Variants in ZFYVE27 observed in about 807,000 individuals in gnomAD.
The protein encoded by ZFYVE27 is protrudin.
Under a neutral mutation model 52.8 loss-of-function variants are expected in ZFYVE27, and 36 were observed. The ratio of observed to expected loss-of-function variants is 0.68; its 90% CI spans 0.52 to 0.90. The LOEUF is 0.90. Among genes scored for constraint, ZFYVE27 ranks in the 40% least tolerant of loss-of-function variants. ZFYVE27 has a pLI of 0.00. For missense variants in ZFYVE27, 450 were observed against 527.2 expected (o/e 0.85, Z 1.43); for synonymous variants, 223 against 215.6 (o/e 1.03, Z -0.30).
Position 97,737,269 on chromosome 10 carries a change from C to G in ZFYVE27, c.-54C>G, listed in dbSNP as rs1303018014. 3 of 152,338 alleles carry G rather than the reference C, an allele frequency of 2.0e-5. No individual in the cohort carries two copies. The East Asian group carries it at 5.8e-4, about 29-fold the overall frequency. The allele number at this position is 152,338 out of a possible 1,614,324, so 9.4% of individuals were successfully genotyped here. The stretch of plus-strand genomic sequence containing the variant: ...AGAAACGCTCCGGGGCCCAGTGGCT[C>G]TACCCCTGCTCCTGCCCGACCCTGC... On this transcript the variant is annotated 5_prime_UTR_variant, in exon 1 of 13. Coordinates refer to ENST00000684270, the MANE Select transcript of ZFYVE27 (RefSeq NM_001385875.1).
At position 97,757,246 on chromosome 10, in the gene ZFYVE27, T is replaced by C. The variant is rs770907522; in HGVS notation, c.1043-19T>C. ...GTCCTGGGATGGGCGGGGGTTGAGC[T>C]GCTGCCTCTGTTTCTCAGGGAACTG... On this transcript the variant is annotated intron_variant, in intron 10 of 12. Transcript: ENST00000684270. 106 of 1,614,158 alleles carry C rather than the reference T, an allele frequency of 6.6e-5. 1 individual carries two copies. The South Asian group carries it at 1.0e-3, about 16-fold the overall frequency.
chr10:97,759,167 T>C (rs975536642), intron 12 of ZFYVE27, 69 bp from the exon 13 acceptor site: 68 of 1,566,220 alleles, frequency 4.3e-5, no homozygotes, highest in Non-Finnish European at 6.0e-5. Context: ...GGGAGGGTGC[T>C]TCTAGTAGTT....
intron 4 of ZFYVE27, among the ~76,000 whole-genome samples, chr10:97,746,141 T>A (rs11189351): frequency 6.6e-6 from 1 of 150,962 alleles, no homozygotes; most frequent in Non-Finnish European, 1.5e-5. Flanking sequence ...CTCTGCCTCC[T>A]GTGTTCAGGC....
chr10:97,745,384 T>G (rs1224073744), intron 4 of ZFYVE27, among the ~76,000 whole-genome samples: 1 of 151,932 alleles, frequency 6.6e-6, no homozygotes. Context: ...TTTCACCATG[T>G]TTGTCACGAT....
At chr10:97,751,713 C>T (rs949655761) in intron 8 of ZFYVE27, among the ~76,000 whole-genome samples, 1 of 152,090 alleles carries the variant, frequency 6.6e-6, no homozygotes. Context: ...GGGAGCTGGA[C>T]GATTTCTGGC....
intron 3 of ZFYVE27, among the ~76,000 whole-genome samples, chr10:97,743,631 G>A (rs917469418): frequency 6.6e-6 from 1 of 152,218 alleles, no homozygotes; most frequent in African/African-American, 2.4e-5. Context: ...CATGAGTAAA[G>A]GTACTGGGAT....
intron 1 of ZFYVE27, 91 bp from the exon 2 acceptor site, chr10:97,738,386 G>C: frequency 1.4e-6 from 2 of 1,419,342 alleles, no homozygotes; most frequent in South Asian, 1.2e-5. Flanking sequence ...CTTGCTCACA[G>C]GTTTACTGTT....
At chr10:97,755,850 G>T (rs930774400) in intron 10 of ZFYVE27, among the ~76,000 whole-genome samples, 1 of 152,230 alleles carries the variant, frequency 6.6e-6, no homozygotes, top group East Asian at 1.9e-4. Context: ...TGCTGTCATG[G>T]CCTCGGTGGC....
chr10:97,741,033 A>G (rs1279060431), intron 2 of ZFYVE27, among the ~76,000 whole-genome samples: 1 of 152,184 alleles, frequency 6.6e-6, no homozygotes, highest in Non-Finnish European at 1.5e-5. Context: ...AGCTGCCACT[A>G]GAGGTTCTGA....
intron 6 of ZFYVE27, chr10:97,750,061 T>G (rs866316680): frequency 8.1e-6 from 4 of 496,058 alleles, no homozygotes; most frequent in South Asian, 6.1e-5. Flanking sequence ...CTGTATTTGT[T>G]TTCCTCCCTG....
At chr10:97,743,230 A>G (rs2044227175) in intron 3 of ZFYVE27, 66 bp downstream of exon 3, 2 of 1,558,000 alleles carry the variant, frequency 1.3e-6, no homozygotes, top group Non-Finnish European at 1.8e-6. Context: ...ACCTGGATGC[A>G]GCCCCACCCT....
chr10:97,739,796 A>T (rs1240711017), intron 2 of ZFYVE27, among the ~76,000 whole-genome samples: 1 of 151,828 alleles, frequency 6.6e-6, no homozygotes, highest in Admixed American at 6.6e-5. Flanking sequence ...TTCCTGGAGA[A>T]TTTACTACCG....
At chr10:97,742,755 A>G (rs1355587036) in intron 2 of ZFYVE27, among the ~76,000 whole-genome samples, 2 of 152,222 alleles carry the variant, frequency 1.3e-5, no homozygotes, top group East Asian at 3.8e-4. Flanking sequence ...AAATATTAAG[A>G]ACATTTGTCA....
chr10:97,751,328 T>C (rs754337387), intron 7 of ZFYVE27, 63 bp from the exon 8 acceptor site: 3 of 1,576,738 alleles, frequency 1.9e-6, no homozygotes, highest in Non-Finnish European at 2.6e-6. Flanking sequence ...GGGGAGGTGG[T>C]CCTCTGCCTT....
chr10:97,739,699 C>G (rs920209174), intron 2 of ZFYVE27, among the ~76,000 whole-genome samples: 1 of 152,044 alleles, frequency 6.6e-6, no homozygotes, highest in South Asian at 2.1e-4. Flanking sequence ...ATTGTTTGTA[C>G]TTATTATGTC....
chr10:97,746,047 A>AT lies in ZFYVE27; in HGVS notation c.455+1133dup, dbSNP rs1332320267. On this transcript the variant is annotated intron_variant, in intron 4 of 12. Transcript: ENST00000684270. ...TATACACATATATATATATATATATATATATTTTTTTTTTTTTTTGAGACA... is the reference window on the plus strand; with the variant it reads ...TATACACATATATATATATATATATATTATATTTTTTTTTTTTTTTGAGACA... Among the ~76,000 whole-genome samples, 146 of 66,522 alleles carry AT rather than the reference A, an allele frequency of 2.2e-3. 1 individual carries two copies. The highest frequency in any genetic ancestry group is 6.6e-3 in the African/African-American group (134 of 20,330). The allele number at this position is 66,522 out of a possible 152,430, so 43.6% of individuals were successfully genotyped here.
At chr10:97,744,483 C>T (rs572910701) in intron 3 of ZFYVE27, among the ~76,000 whole-genome samples, 1 of 152,372 alleles carries the variant, frequency 6.6e-6, no homozygotes, top group East Asian at 1.9e-4. Context: ...CCCTCAAGAG[C>T]TTACTTCATT....
At chr10:97,754,128 T>G (rs1016559750) in intron 10 of ZFYVE27, among the ~76,000 whole-genome samples, 1 of 151,986 alleles carries the variant, frequency 6.6e-6, no homozygotes, top group Non-Finnish European at 1.5e-5. Flanking sequence ...TGGTGTTGAG[T>G]GAGTTCTAGG....
chr10:97,742,610 A>C (rs1243036150), intron 2 of ZFYVE27, among the ~76,000 whole-genome samples: 1 of 152,192 alleles, frequency 6.6e-6, no homozygotes, highest in African/African-American at 2.4e-5. Context: ...AATTTTCAAA[A>C]ACATGGACAT....
Sources: allele counts gnomAD v4.1 joint callset (sites outside exome capture counted in the v4.1 genomes callset), GRCh38; gene constraint gnomAD v4.1.1; transcripts MANE v1.5; gene names NCBI Gene and HGNC (gene_info 2026-07-23, HGNC 2026-07-21).